DNAH12: variants seen among roughly 807,000 people sequenced by gnomAD.
The protein encoded by DNAH12 is dynein axonemal heavy chain 12.
DNAH12 carries 285 observed loss-of-function variants against 371.5 expected under a neutral mutation model. That is an observed-to-expected ratio of 0.77 (90% CI 0.70 to 0.85). The LOEUF (loss-of-function observed/expected upper bound fraction) is 0.85, where lower values mean the gene tolerates loss of function less well. Among genes scored for constraint, DNAH12 ranks in the 40% least tolerant of loss-of-function variants. DNAH12 has a pLI of 0.00. For synonymous variants in DNAH12, 1,200 were observed against 1,213.0 expected (o/e 0.99, Z 0.22); for missense variants, 3,611 against 3,689.4 (o/e 0.98, Z 0.55).
intron 11 of DNAH12, among the ~76,000 whole-genome samples, chr3:57,499,338 T>C: frequency 6.6e-6 from 1 of 151,966 alleles, no homozygotes; most frequent in East Asian, 1.9e-4. Context: ...AACTGTACAA[T>C]TAAAATGGGT....
chr3:57,472,643 A>C lies in DNAH12; in HGVS notation c.1679T>G (p.Leu560Ter). The change falls in exon 14 of 74, where the codon TTA becomes TGA. Residue 560 changes from leucine to a stop codon, truncating the protein, a stop_gained. Transcript: ENST00000495027. LOFTEE classifies it high-confidence loss of function. ...TTCTTGAGGAAATAGGAAAACATCT[A>C]AAAAGTAACTCATTTGGCGTTTAGA... is the stretch of plus-strand genomic sequence containing the variant. ...QESKRQMSYF[L>*]DVFLFPQEDL... The C allele has an allele frequency of 6.4e-7, 1 of 1,550,960 alleles. No homozygotes were observed. Among genetic ancestry groups the C allele is most frequent in the Non-Finnish European group, 8.7e-7 (1 of 1,146,712 alleles).
intron 25 of DNAH12, among the ~76,000 whole-genome samples, chr3:57,448,217 T>A (rs1233477953): frequency 1.3e-5 from 2 of 152,304 alleles, no homozygotes; most frequent in South Asian, 2.1e-4. Context: ...ATCCAGAGTT[T>A]GTTCCTTCTG....
Position 57,462,830 on chromosome 3 carries a change from C to T in DNAH12, c.2395G>A (p.Ala799Thr). 6.4e-7 allele frequency: 1 copy of T among 1,551,412 alleles called. No individual in the cohort carries two copies. The highest frequency in any genetic ancestry group is 1.4e-5 in the African/African-American group (1 of 73,114). Residue 799 changes from alanine (A) to threonine (T), a missense_variant, in exon 18 of 74, where the codon GCT becomes ACT. This residue lies in a region of DNAH12 where 1,314 missense variants were observed against 1,398.7 expected (regional missense o/e 0.94). Transcript: ENST00000495027. ...TCTGATATCTGTTTCCAGTGACGAG[C>T]TCTCATTCCTGGATTGCACAGAATG... ...VSILCNPGMR[A>T]RHWKQISEIV...
rs2065483056 is a variant in DNAH12 at position 57,446,047 on chromosome 3, A to G, written c.4163T>C (p.Leu1388Ser). 6.5e-7 allele frequency: 1 copy of G among 1,548,482 alleles called. No individual in the cohort carries two copies. The highest frequency in any genetic ancestry group is 8.7e-7 in the Non-Finnish European group (1 of 1,145,458). Residue 1388 changes from leucine to serine, a missense_variant, in exon 27 of 74, where the codon TTG becomes TCG. Physicochemically the swap from Leu to Ser is moderately radical, Grantham distance 145. Coordinates refer to ENST00000495027, the MANE Select transcript of DNAH12 (RefSeq NM_001366028.2). ...MNPGYAGRSE[L>S]PDNLKVLFRT... ...TAATATTACCTTAAGATTGTCCGGCAATTCAGAGCGTCCTGCATAGCCAGG... is the reference window on the plus strand; with the variant it reads ...TAATATTACCTTAAGATTGTCCGGCGATTCAGAGCGTCCTGCATAGCCAGG...
At position 57,334,765 on chromosome 3, in the gene DNAH12, C is replaced by T. The variant is rs775900285; in HGVS notation, c.9833+17G>A. 129 of 1,531,616 alleles carry T rather than the reference C, an allele frequency of 8.4e-5. No homozygotes were observed. The highest frequency in any genetic ancestry group is 1.1e-4 in the African/African-American group (8 of 71,818). The allele number at this position is 1,531,616 out of a possible 1,614,324, so 94.9% of individuals were successfully genotyped here. A position where few individuals can be genotyped will look rare whatever the true frequency, so the allele number is the denominator to read the frequency against. Reference sequence around the variant, plus strand: ...ATATTGCCATTCAATGATAAATCATCGAATTTAAACAATCACCTGAGTCCT... The same window carrying T: ...ATATTGCCATTCAATGATAAATCATTGAATTTAAACAATCACCTGAGTCCT... On this transcript the variant is annotated intron_variant, in intron 61 of 73. Transcript: ENST00000495027.
chr3:57,382,791 A>G (rs2063421797), intron 49 of DNAH12, among the ~76,000 whole-genome samples: 1 of 152,228 alleles, frequency 6.6e-6, no homozygotes, highest in Non-Finnish European at 1.5e-5. Flanking sequence ...AGAAGATGAA[A>G]GAAGAGGTAC....
rs1348280627 is a variant in DNAH12, at chr3:57,295,229, T to C, written c.11692+296A>G. Among the ~76,000 whole-genome samples the C allele has an allele frequency of 2.6e-5, 4 of 152,120 alleles. No individual in the cohort carries two copies. In the East Asian group the frequency reaches 5.8e-4, roughly 22 times the overall value. On this transcript the variant is annotated intron_variant, in intron 73 of 73. Coordinates refer to ENST00000495027, the MANE Select transcript of DNAH12 (RefSeq NM_001366028.2). ...GTAAAGGGAATTCAGAATCAAAATA[T>C]GGATGGGCAGCTGTTCAATCTGTGA...
chr3:57,387,003 A>G (rs2063510675), intron 46 of DNAH12, 83 bp downstream of exon 46: 1 of 152,252 alleles, frequency 6.6e-6, no homozygotes. Context: ...GATAGCAGAT[A>G]AGATAGCAAA....
rs59440059 is a variant in DNAH12, at chr3:57,544,234, CAG to C, written c.-73_-72del. On this transcript the variant is annotated 5_prime_UTR_variant, in exon 1 of 74. Transcript: ENST00000495027. ...CACTACTTCCCCGCTGCGCAGACGC[CAG>C]AGAGAGAGAGAGACAGTCAGAGCCT... 1.7e-4 allele frequency: 25 copies of C among 150,402 alleles called. No homozygotes were observed. The highest frequency in any genetic ancestry group is 2.1e-4 in the South Asian group (1 of 4,796). 9.3% of individuals were successfully genotyped at this position (150,402 alleles called of 1,614,324 possible). A position where few individuals can be genotyped will look rare whatever the true frequency, so the allele number is the denominator to read the frequency against.
At chr3:57,406,959 T>C (rs1553681457) in intron 40 of DNAH12, among the ~76,000 whole-genome samples, 1 of 152,054 alleles carries the variant, frequency 6.6e-6, no homozygotes, top group Non-Finnish European at 1.5e-5. Context: ...AGTGCAGTGG[T>C]GAGGTTTTGG....
At chr3:57,515,254 A>G (rs1346638802) in intron 4 of DNAH12, among the ~76,000 whole-genome samples, 3 of 152,226 alleles carry the variant, frequency 2.0e-5, no homozygotes, top group African/African-American at 7.2e-5. Flanking sequence ...ATTCTCCACT[A>G]AAAGGAGCCA....
At chr3:57,449,538 G>A (rs919500977) in intron 25 of DNAH12, among the ~76,000 whole-genome samples, 16 of 152,244 alleles carry the variant, frequency 1.1e-4, no homozygotes, top group Non-Finnish European at 1.9e-4. Flanking sequence ...CAGCGCTGGT[G>A]GGCTGGCACT....
At chr3:57,427,142 GT>G (rs1559646543) in intron 34 of DNAH12, among the ~76,000 whole-genome samples, 4 of 133,208 alleles carry the variant, frequency 3.0e-5, no homozygotes, top group African/African-American at 1.6e-4. Flanking sequence ...AAGCGAATGT[GT>G]GTGTGTGTGT....
chr3:57,303,641 C>T (rs1465681199), intron 69 of DNAH12, among the ~76,000 whole-genome samples: 5 of 152,084 alleles, frequency 3.3e-5, no homozygotes, highest in East Asian at 1.9e-4. Context: ...AGGGCTCAAG[C>T]GATCCTCCTG....
rs572058702 is a variant in DNAH12, at chr3:57,537,818, A to G, written c.170+4883T>C. 4.4e-4 allele frequency among the ~76,000 whole-genome samples: 66 copies of G among 151,644 alleles called. 2 individuals are homozygous for G. The South Asian group carries it at 0.012, about 27-fold the overall frequency. ...TCCTGCCTCAGCCTCCCGAGTAGCT[A>G]GGACTACAGGCATGCACTACCACGC... On this transcript the variant is annotated intron_variant, in intron 2 of 73. Coordinates refer to ENST00000495027, the MANE Select transcript of DNAH12 (RefSeq NM_001366028.2).
chr3:57,438,329 AAACAAAAAC>A (rs939168326), intron 29 of DNAH12, among the ~76,000 whole-genome samples: 5 of 87,856 alleles, frequency 5.7e-5, no homozygotes, highest in African/African-American at 1.5e-4. Context: ...AAAAACAAAC[AAACAAAAAC>A]AAAACAAAAC....
intron 58 of DNAH12, among the ~76,000 whole-genome samples, chr3:57,359,968 C>T (rs2062887903): frequency 6.6e-6 from 1 of 152,154 alleles, no homozygotes; most frequent in Admixed American, 6.5e-5. Context: ...TTGCAATGAT[C>T]AGTGGGATCC....
At chr3:57,427,030 T>C (rs2064792816) in intron 34 of DNAH12, among the ~76,000 whole-genome samples, 1 of 152,126 alleles carries the variant, frequency 6.6e-6, no homozygotes, top group Admixed American at 6.5e-5. Context: ...ATTGCTCATT[T>C]TTTTCTTTTA....
intron 58 of DNAH12, among the ~76,000 whole-genome samples, chr3:57,360,076 A>G (rs2062890243): frequency 6.6e-6 from 1 of 152,202 alleles, no homozygotes; most frequent in Admixed American, 6.5e-5. Flanking sequence ...TCGAGTCTTA[A>G]TAGGAAATAA....
Sources: gnomAD v4.1 joint callset for allele counts (sites outside exome capture counted in the v4.1 genomes callset) on GRCh38, gnomAD v4.1.1 for gene constraint, gnomAD v4.1.1 regional missense constraint, MANE v1.5 for transcripts, NCBI Gene and HGNC (gene_info 2026-07-23, HGNC 2026-07-21) for gene names.